The following BCO1 variants were observed in gnomAD, a reference collection of about 807,000 sequenced individuals.
The protein encoded by BCO1 is beta,beta-carotene 15,15'-dioxygenase.
BCO1 carries 54 observed loss-of-function variants against 56.3 expected under a neutral mutation model. The observed-to-expected ratio is 0.96, with a 90% CI of 0.77 to 1.20. BCO1 has a LOEUF of 1.20. Among genes scored for constraint, BCO1 ranks in the 50% most tolerant of loss-of-function variants. The pLI is 0.00. For synonymous variants in BCO1, 318 were observed against 266.1 expected, an observed-to-expected ratio of 1.20 and a Z score of -1.90; for missense variants, 801 against 690.9, an observed-to-expected ratio of 1.16 and a Z score of -1.79.
chr16:81,281,140 G>A lies in BCO1; in HGVS notation c.1207+178G>A, dbSNP rs368801370. Among the ~76,000 whole-genome samples, 8 of 152,132 alleles carry A rather than the reference G, an allele frequency of 5.3e-5. No individual in the cohort carries two copies. In the East Asian group the frequency reaches 9.7e-4, roughly 18 times the overall value. The stretch of plus-strand genomic sequence containing the variant: ...ATTTCTCTTTTCTCTATCTTCAAAT[G>A]CTTCCTAGGAAGGCAATGGGTGAGG... On this transcript the variant is annotated intron_variant, in intron 8 of 10. Coordinates refer to ENST00000258168, the MANE Select transcript of BCO1 (RefSeq NM_017429.3).
intron 7 of BCO1, among the ~76,000 whole-genome samples, chr16:81,275,512 G>A (rs944074977): frequency 6.6e-6 from 1 of 152,144 alleles, no homozygotes; most frequent in Non-Finnish European, 1.5e-5. Flanking sequence ...TATCTCAAGT[G>A]TAAGTAACTT....
At chr16:81,246,536 C>A (rs1190132946) in intron 2 of BCO1, among the ~76,000 whole-genome samples, 1 of 151,996 alleles carries the variant, frequency 6.6e-6, no homozygotes, top group African/African-American at 2.4e-5. Context: ...TCAGACATGC[C>A]TAAAGTTGAA....
Position 81,290,415 on chromosome 16 carries a change from C to G in BCO1, c.1482C>G (p.Ala494=), listed in dbSNP as rs1470506599. ...QKLPFLLILD[A]KSFTELARAS... ...TGCCTTTTCTGCTCATTCTGGATGC[C>G]AAAAGCTTTACGGAATTGGCCCGTG... Residue 494 remains alanine, a synonymous_variant, in exon 11 of 11, where the codon GCC becomes GCG. Transcript: ENST00000258168. 3 of 1,614,042 alleles carry G rather than the reference C, an allele frequency of 1.9e-6. No individual in the cohort carries two copies. The highest frequency in any genetic ancestry group is 2.7e-5 in the African/African-American group (2 of 74,912).
At chr16:81,258,561 A>C (rs573999657) in intron 2 of BCO1, among the ~76,000 whole-genome samples, 1 of 152,324 alleles carries the variant, frequency 6.6e-6, no homozygotes, top group Non-Finnish European at 1.5e-5. Flanking sequence ...CTTCTAGATT[A>C]GTCCTCCAGC....
At chr16:81,254,482 A>G (rs1906007611) in intron 2 of BCO1, among the ~76,000 whole-genome samples, 2 of 150,172 alleles carry the variant, frequency 1.3e-5, no homozygotes, top group Admixed American at 6.7e-5. Flanking sequence ...AGGGCTTCCT[A>G]CATTGCCCAG....
At chr16:81,262,439 A>C in intron 4 of BCO1, 156 bp downstream of exon 4, 1 of 760,536 alleles carries the variant, frequency 1.3e-6, no homozygotes, top group Non-Finnish European at 2.3e-6. Flanking sequence ...ACTTACTGCT[A>C]GATGCTAGGC....
At chr16:81,260,784 C>T (rs1196610476) in intron 3 of BCO1, among the ~76,000 whole-genome samples, 1 of 152,238 alleles carries the variant, frequency 6.6e-6, no homozygotes, top group Non-Finnish European at 1.5e-5. Flanking sequence ...GCTAGGATTA[C>T]AGGCATGAGC....
At position 81,280,920 on chromosome 16, in the gene BCO1, G is replaced by C. The variant is rs774169999; in HGVS notation, c.1165G>C (p.Glu389Gln). ...TACAACAGCCACGGCCCTGAAGGAA[G>C]AAGATGGCCAAGTCTACTGCCAGCC... ...ASTTATALKE[E>Q]DGQVYCQPEF... Residue 389 changes from glutamate (E) to glutamine (Q), a missense_variant, in exon 8 of 11, where the codon GAA becomes CAA. Coordinates refer to ENST00000258168, the MANE Select transcript of BCO1 (RefSeq NM_017429.3). 4.3e-6 allele frequency: 7 copies of C among 1,614,038 alleles called. No individual in the cohort carries two copies. The East Asian group carries it at 1.1e-4, about 26-fold the overall frequency.
intron 4 of BCO1, among the ~76,000 whole-genome samples, chr16:81,264,406 A>T (rs955844562): frequency 4.6e-5 from 7 of 152,196 alleles, no homozygotes; most frequent in Non-Finnish European, 8.8e-5. Context: ...GAGTCCCTCA[A>T]ATCCCCATGT....
chr16:81,259,053 C>G (rs1906318327), intron 2 of BCO1, among the ~76,000 whole-genome samples: 1 of 152,136 alleles, frequency 6.6e-6, no homozygotes. Flanking sequence ...AGGGACCCAC[C>G]CCCATCACCC....
intron 2 of BCO1, among the ~76,000 whole-genome samples, chr16:81,254,611 A>G (rs1290495764): frequency 6.6e-6 from 1 of 151,982 alleles, no homozygotes; most frequent in Non-Finnish European, 1.5e-5. Context: ...ATGTCCATCC[A>G]AGTGCACAGG....
At chr16:81,243,037 C>G (rs1358659235) in intron 1 of BCO1, among the ~76,000 whole-genome samples, 1 of 152,080 alleles carries the variant, frequency 6.6e-6, no homozygotes, top group Admixed American at 6.6e-5. Context: ...GAATCCAGAA[C>G]AGGCAAATCC....
Position 81,253,981 on chromosome 16 carries a change from T to G in BCO1, c.194-5695T>G, listed in dbSNP as rs1468583755. ...CTCACAAAGAAAGGAGAAAGAAATA[T>G]CTCAGTGACACTTATTCACACAGTA... On this transcript the variant is annotated intron_variant, in intron 2 of 10. Transcript: ENST00000258168. 2.0e-5 allele frequency among the ~76,000 whole-genome samples: 3 copies of G among 152,136 alleles called. No individual in the cohort carries two copies. In the East Asian group the frequency reaches 5.8e-4, roughly 29 times the overall value.
At chr16:81,239,095 C>T (rs1904998621) in intron 1 of BCO1, 123 bp downstream of exon 1, 3 of 779,926 alleles carry the variant, frequency 3.8e-6, no homozygotes, top group South Asian at 1.7e-5. Context: ...CGGCCCACTG[C>T]AACCTCTGCC....
chr16:81,287,696 T>C (rs1437369854), intron 10 of BCO1, among the ~76,000 whole-genome samples: 1 of 152,132 alleles, frequency 6.6e-6, no homozygotes, highest in Non-Finnish European at 1.5e-5. Flanking sequence ...TTCTGGTTTG[T>C]GGCAATGAAA....
At chr16:81,251,089 A>G (rs1333908352) in intron 2 of BCO1, among the ~76,000 whole-genome samples, 1 of 152,234 alleles carries the variant, frequency 6.6e-6, no homozygotes, top group Non-Finnish European at 1.5e-5. Context: ...ACCATGGGCT[A>G]GTGAATAGCC....
chr16:81,257,527 A>G (rs917577435), intron 2 of BCO1, among the ~76,000 whole-genome samples: 2 of 150,734 alleles, frequency 1.3e-5, no homozygotes, highest in Non-Finnish European at 3.0e-5. Context: ...GGCCTCCCAA[A>G]GTGCTGGGAT....
intron 10 of BCO1, among the ~76,000 whole-genome samples, chr16:81,288,977 G>A (rs1374904566): frequency 2.0e-5 from 3 of 152,196 alleles, no homozygotes; most frequent in Non-Finnish European, 4.4e-5. Flanking sequence ...CACAGGCCTT[G>A]CCTCCTGTTC....
chr16:81,285,600 C>T lies in BCO1; in HGVS notation c.1268C>T (p.Ala423Val), dbSNP rs746168176. ...HNGKQYRYVF[A>V]TGVQWSPIPT... is the part of the protein sequence containing the mutation. ...GGAAAGCAATACCGATATGTCTTTGCTACAGGAGTTCAGTGGAGTCCAATC... is the reference window on the plus strand; with the variant it reads ...GGAAAGCAATACCGATATGTCTTTGTTACAGGAGTTCAGTGGAGTCCAATC... The change falls in exon 9 of 11, where the codon GCT becomes GTT. Residue 423 changes from alanine (A) to valine (V), a missense_variant. Ala to Val is a moderately conservative substitution (Grantham distance 64). Transcript: ENST00000258168. 6.2e-7 allele frequency: 1 copy of T among 1,613,484 alleles called. No individual in the cohort carries two copies. Among genetic ancestry groups the T allele is most frequent in the Non-Finnish European group, 8.5e-7 (1 of 1,179,352 alleles).
Sources: gnomAD v4.1 joint callset for allele counts (sites outside exome capture counted in the v4.1 genomes callset) on GRCh38, gnomAD v4.1.1 for gene constraint, MANE v1.5 for transcripts, NCBI Gene and HGNC (gene_info 2026-07-23, HGNC 2026-07-21) for gene names.